The following RASAL2 variants were observed in gnomAD, a reference collection of about 807,000 sequenced individuals.
The protein encoded by RASAL2 is RAS protein activator like 2, also known as ras GTPase-activating protein nGAP.
A neutral mutation model predicts 128.9 loss-of-function variants in RASAL2; 58 were observed. The observed-to-expected ratio is 0.45, with a 90% CI of 0.36 to 0.56. RASAL2 has a LOEUF of 0.56. Among genes scored for constraint, RASAL2 ranks in the 20% least tolerant of loss-of-function variants. The pLI is 0.00. For missense variants in RASAL2, 1,360 were observed against 1,601.6 expected (o/e 0.85, Z 2.57); for synonymous variants, 561 against 580.8 (o/e 0.97, Z 0.49).
intron 1 of RASAL2, among the ~76,000 whole-genome samples, chr1:178,219,677 T>C (rs889450713): frequency 3.9e-5 from 6 of 152,014 alleles, no homozygotes; most frequent in East Asian, 1.9e-4. Context: ...AAATAATTTT[T>C]CCATTTAATT....
chr1:178,162,561 C>A (rs1317769107), intron 1 of RASAL2, among the ~76,000 whole-genome samples: 2 of 114,700 alleles, frequency 1.7e-5, no homozygotes. Context: ...TATAATATAT[C>A]TTTATATAAA....
intron 1 of RASAL2, among the ~76,000 whole-genome samples, chr1:178,250,465 C>T (rs1664992303): frequency 6.6e-6 from 1 of 152,354 alleles, no homozygotes; most frequent in South Asian, 2.1e-4. Context: ...AGACTGCTGT[C>T]CTGGCAGCAA....
intron 1 of RASAL2, among the ~76,000 whole-genome samples, chr1:178,195,129 A>G (rs947636035): frequency 6.6e-6 from 1 of 152,230 alleles, no homozygotes; most frequent in African/African-American, 2.4e-5. Flanking sequence ...ATATTTGAGT[A>G]AAGTGGGGCT....
At chr1:178,203,528 A>G (rs1662943465) in intron 1 of RASAL2, among the ~76,000 whole-genome samples, 1 of 152,142 alleles carries the variant, frequency 6.6e-6, no homozygotes, top group African/African-American at 2.4e-5. Context: ...ACCATTCAGT[A>G]TCACCCCTAG....
At chr1:178,193,552 A>T (rs962333208) in intron 1 of RASAL2, among the ~76,000 whole-genome samples, 3 of 151,894 alleles carry the variant, frequency 2.0e-5, no homozygotes, top group African/African-American at 7.3e-5. Flanking sequence ...AACTTTCTTT[A>T]AAAAAAAGTT....
intron 1 of RASAL2, among the ~76,000 whole-genome samples, chr1:178,108,241 A>G (rs1052245086): frequency 6.6e-6 from 1 of 152,186 alleles, no homozygotes; most frequent in African/African-American, 2.4e-5. Context: ...GGCCATTTGT[A>G]TATCTTCTTT....
At chr1:178,358,632 A>G (rs1670948287) in intron 3 of RASAL2, among the ~76,000 whole-genome samples, 1 of 152,192 alleles carries the variant, frequency 6.6e-6, no homozygotes, top group Non-Finnish European at 1.5e-5. Flanking sequence ...CATGAGAAAC[A>G]CTAAAAATTC....
At position 178,464,420 on chromosome 1, in the gene RASAL2, C is replaced by T; in HGVS notation, c.3387+8C>T. ...GCCAAGCATGCTGAGAAGGTAGAAC[C>T]TAGTCTGCTTCATCAACTTTCTGAT... On this transcript the variant is annotated splice_region_variant and intron_variant, in intron 15 of 17. Transcript: ENST00000367649. 1 of 1,612,036 alleles carries T rather than the reference C, an allele frequency of 6.2e-7. No individual in the cohort carries two copies. The highest frequency in any genetic ancestry group is 8.5e-7 in the Non-Finnish European group (1 of 1,179,142).
chr1:178,311,253 A>ACACACACACACACACACACAC (rs1668232217), intron 3 of RASAL2, among the ~76,000 whole-genome samples: 3 of 143,602 alleles, frequency 2.1e-5, no homozygotes, highest in Admixed American at 7.0e-5. Context: ...CACACACACA[A>ACACACACACACACACACACAC]ACACACACAC....
At position 178,477,822 on chromosome 1, in the gene RASAL2, A is replaced by T. The variant is rs1648785062; in HGVS notation, c.*4583A>T. 6.6e-6 allele frequency: 1 copy of T among 152,200 alleles called. No homozygotes were observed. The highest frequency in any genetic ancestry group is 2.4e-5 in the African/African-American group (1 of 41,444). 9.4% of individuals were successfully genotyped at this position (152,200 alleles called of 1,614,324 possible). The stretch of plus-strand genomic sequence containing the variant: ...CTAAAAAATGTACTATATGTGTTAT[A>T]TGTATATATAAGTTAAAGCAACTTG... On this transcript the variant is annotated 3_prime_UTR_variant, in exon 18 of 18. Coordinates refer to ENST00000367649, the MANE Select transcript of RASAL2 (RefSeq NM_170692.4).
chr1:178,391,484 A>G (rs1672902030), intron 4 of RASAL2, among the ~76,000 whole-genome samples: 1 of 152,250 alleles, frequency 6.6e-6, no homozygotes, highest in African/African-American at 2.4e-5. Flanking sequence ...TATGCTGGCT[A>G]AATGAGTACT....
At chr1:178,424,712 C>T (rs188247867) in intron 5 of RASAL2, among the ~76,000 whole-genome samples, 8 of 152,228 alleles carry the variant, frequency 5.3e-5, no homozygotes, top group Admixed American at 1.3e-4. Flanking sequence ...TTTGCCCACC[C>T]TGGCCTCCCA....
rs1352581241 is a variant in RASAL2 at position 178,408,381 on chromosome 1, C to T, written c.565-12130C>T. On this transcript the variant is annotated intron_variant, in intron 4 of 17. Coordinates refer to ENST00000367649, the MANE Select transcript of RASAL2 (RefSeq NM_170692.4). The stretch of plus-strand genomic sequence containing the variant: ...ACTGTGAAAGAGAAAAAAGCATTTT[C>T]CTCTTGGTATCCATCTATTTTTAAA... 4.6e-5 allele frequency among the ~76,000 whole-genome samples: 7 copies of T among 152,070 alleles called. No individual in the cohort carries two copies. The East Asian group carries it at 9.6e-4, about 21-fold the overall frequency.
chr1:178,311,788 A>G (rs889294298), intron 3 of RASAL2, among the ~76,000 whole-genome samples: 4 of 152,070 alleles, frequency 2.6e-5, no homozygotes. Context: ...GGACATCTGA[A>G]GAAAAGCCTG....
intron 1 of RASAL2, among the ~76,000 whole-genome samples, chr1:178,214,770 C>A (rs1411740254): frequency 6.6e-6 from 1 of 151,888 alleles, no homozygotes; most frequent in Non-Finnish European, 1.5e-5. Context: ...GTGTTAGCCA[C>A]GATGGTCTCG....
intron 1 of RASAL2, among the ~76,000 whole-genome samples, chr1:178,147,056 A>G (rs1232083723): frequency 2.6e-5 from 4 of 152,242 alleles, no homozygotes; most frequent in Non-Finnish European, 5.9e-5. Context: ...ACAGATTTTA[A>G]CTGTAATTAA....
At chr1:178,365,210 C>G (rs746616427) in intron 3 of RASAL2, among the ~76,000 whole-genome samples, 2 of 152,054 alleles carry the variant, frequency 1.3e-5, no homozygotes, top group Non-Finnish European at 2.9e-5. Context: ...GTATTGCTTC[C>G]TAAATCTAGA....
chr1:178,215,567 A>T (rs997717427), intron 1 of RASAL2, among the ~76,000 whole-genome samples: 1 of 152,222 alleles, frequency 6.6e-6, no homozygotes, highest in African/African-American at 2.4e-5. Context: ...TGTCTGTGTG[A>T]CTATAAAAGT....
intron 1 of RASAL2, among the ~76,000 whole-genome samples, chr1:178,217,129 C>T (rs1251552797): frequency 6.6e-6 from 1 of 152,082 alleles, no homozygotes; most frequent in East Asian, 1.9e-4. Context: ...GCACGCACCA[C>T]CACGCCTGGC....
Sources: allele counts gnomAD v4.1 joint callset (sites outside exome capture counted in the v4.1 genomes callset), GRCh38; gene constraint gnomAD v4.1.1; transcripts MANE v1.5; gene names NCBI Gene and HGNC (gene_info 2026-07-23, HGNC 2026-07-21).